Variants in FHL2 observed in about 807,000 individuals in gnomAD.
FHL2 encodes four and a half LIM domains 2.
In FHL2, 20 loss-of-function variants were observed where a neutral mutation model predicts 32.7. That is an observed-to-expected ratio of 0.61 (90% confidence interval 0.43 to 0.89). FHL2 has a LOEUF of 0.89. Ranked by LOEUF, FHL2 falls within the 40% of genes least tolerant of loss-of-function variation. The pLI, the probability that FHL2 is intolerant of heterozygous loss-of-function variation, is 0.00. For missense variants in FHL2, 311 were observed against 358.6 expected (o/e 0.87, Z 1.07); for synonymous variants, 123 against 128.1 (o/e 0.96, Z 0.27).
chr2:105,391,716 A>T (rs1202949466), intron 2 of FHL2, among the ~76,000 whole-genome samples: 1 of 152,194 alleles, frequency 6.6e-6, no homozygotes, highest in African/African-American at 2.4e-5. Flanking sequence ...TTTCTGAATG[A>T]TTTCTTCAAA....
In FHL2 at chr2:105,361,067, C is replaced by G. The variant is rs1405788849; in HGVS notation, c.*216G>C. On this transcript the variant is annotated 3_prime_UTR_variant, in exon 7 of 7. Transcript: ENST00000530340. ...CTCGATTACAAAAATTTCAAACCAT[C>G]TTCCCACCTAGGGCCTAGGGCGAGT... is the stretch of plus-strand genomic sequence containing the variant. The G allele has an allele frequency of 2.4e-6, 1 of 416,790 alleles. No homozygotes were observed. Among genetic ancestry groups the G allele is most frequent in the Non-Finnish European group, 4.2e-6 (1 of 236,706 alleles). 25.8% of individuals were successfully genotyped at this position (416,790 alleles called of 1,614,324 possible).
At chr2:105,411,484 A>C (rs1425689914) in intron 1 of FHL2, among the ~76,000 whole-genome samples, 12 of 145,486 alleles carry the variant, frequency 8.2e-5, no homozygotes, top group Admixed American at 6.9e-4. Flanking sequence ...TTTCCTACTC[A>C]CCCAGAATCC....
chr2:105,405,793 C>G (rs1240061927), intron 1 of FHL2, among the ~76,000 whole-genome samples: 1 of 152,228 alleles, frequency 6.6e-6, no homozygotes, highest in Non-Finnish European at 1.5e-5. Context: ...GGGGTGAACC[C>G]CAGGTCCAGG....
intron 3 of FHL2, among the ~76,000 whole-genome samples, chr2:105,385,370 T>C (rs1412497961): frequency 6.6e-6 from 1 of 152,192 alleles, no homozygotes; most frequent in Non-Finnish European, 1.5e-5. Flanking sequence ...GCTAGAATGA[T>C]CCAACTGCAT....
intron 2 of FHL2, among the ~76,000 whole-genome samples, chr2:105,395,023 G>A (rs998064313): frequency 2.6e-5 from 4 of 152,168 alleles, no homozygotes; most frequent in African/African-American, 7.2e-5. Context: ...TTTTGATGTC[G>A]TTCAGCCTTT....
intron 5 of FHL2, among the ~76,000 whole-genome samples, chr2:105,365,701 G>C (rs1321276659): frequency 6.6e-6 from 1 of 151,564 alleles, no homozygotes; most frequent in Non-Finnish European, 1.5e-5. Flanking sequence ...AATTAGGTGG[G>C]TTTGGTGGTG....
chr2:105,361,177 G>T lies in FHL2; in HGVS notation c.*106C>A. On this transcript the variant is annotated 3_prime_UTR_variant, in exon 7 of 7. Transcript: ENST00000530340. ...TATCACTGAAAAGCACTAGAAGAAA[G>T]TCTCAATGTGGCTGGAAGAAACCAG... 1.7e-6 allele frequency: 2 copies of T among 1,151,888 alleles called. No homozygotes were observed. 71.4% of individuals were successfully genotyped at this position (1,151,888 alleles called of 1,614,324 possible).
upstream of FHL2, among the ~76,000 whole-genome samples, chr2:105,403,611 C>G (rs1683539831): frequency 2.6e-5 from 4 of 152,194 alleles, no homozygotes; most frequent in Admixed American, 2.6e-4. Context: ...CATTCTCAGG[C>G]CAGCTCCTGC....
At chr2:105,415,228 G>T (rs1370997391) in intron 1 of FHL2, among the ~76,000 whole-genome samples, 1 of 152,162 alleles carries the variant, frequency 6.6e-6, no homozygotes, top group Non-Finnish European at 1.5e-5. Context: ...TCCAAGACAG[G>T]GTGTTAAGTG....
intron 3 of FHL2, chr2:105,376,404 C>T (rs1021295686): frequency 5.3e-5 from 8 of 152,304 alleles, no homozygotes; most frequent in South Asian, 2.1e-4. Context: ...CTTTCTAGAA[C>T]ATATTTTGTA....
intron 2 of FHL2, chr2:105,390,088 C>T (rs189383706): frequency 0.012 from 1,860 of 152,474 alleles, 18 homozygotes; most frequent in East Asian, 0.035. Flanking sequence ...AAAAATTATC[C>T]GGGTGTGGTG....
At chr2:105,402,029 A>G (rs1683480417), upstream of FHL2, among the ~76,000 whole-genome samples, 1 of 150,340 alleles carries the variant, frequency 6.7e-6, no homozygotes, top group Non-Finnish European at 1.5e-5. Context: ...GTATATATAC[A>G]CGAATATATA....
At chr2:105,398,199 G>A (rs1299522919) in intron 1 of FHL2, among the ~76,000 whole-genome samples, 1 of 152,152 alleles carries the variant, frequency 6.6e-6, no homozygotes, top group Non-Finnish European at 1.5e-5. Context: ...AAATAAATAT[G>A]ACTGATTCAT....
intron 3 of FHL2, among the ~76,000 whole-genome samples, chr2:105,375,002 A>C (rs1480027789): frequency 6.6e-6 from 1 of 152,192 alleles, no homozygotes; most frequent in African/African-American, 2.4e-5. Context: ...TGTTACTGAA[A>C]CCGAAGTCGA....
chr2:105,428,319 T>G (rs1281634218), intron 1 of FHL2, among the ~76,000 whole-genome samples: 4 of 152,222 alleles, frequency 2.6e-5, no homozygotes, highest in Non-Finnish European at 5.9e-5. Context: ...GCCAGGGGCT[T>G]GCTGAGCTGT....
At chr2:105,422,871 A>G (rs767353797) in intron 1 of FHL2, among the ~76,000 whole-genome samples, 1 of 152,224 alleles carries the variant, frequency 6.6e-6, no homozygotes, top group Non-Finnish European at 1.5e-5. Flanking sequence ...TCGTTCTGAC[A>G]GTTTTACTCA....
At chr2:105,399,671 C>A (rs1683391592), upstream of FHL2, 2 of 1,471,586 alleles carry the variant, frequency 1.4e-6, no homozygotes, top group African/African-American at 1.4e-5. Context: ...CCAAAGTGAG[C>A]TGGGAGCGTG....
chr2:105,414,382 A>T (rs1469782912), intron 1 of FHL2, among the ~76,000 whole-genome samples: 1 of 152,082 alleles, frequency 6.6e-6, no homozygotes, highest in Non-Finnish European at 1.5e-5. Flanking sequence ...CCCTCCTGGG[A>T]GGTTGGCGTT....
chr2:105,380,961 G>C (rs2104564773), intron 3 of FHL2, among the ~76,000 whole-genome samples: 1 of 152,260 alleles, frequency 6.6e-6, no homozygotes, highest in African/African-American at 2.4e-5. Flanking sequence ...GGCTGTGCCT[G>C]TTGCTTGGCT....
Sources: gnomAD v4.1 joint callset for allele counts (sites outside exome capture counted in the v4.1 genomes callset) on GRCh38, gnomAD v4.1.1 for gene constraint, MANE v1.5 for transcripts, NCBI Gene and HGNC (gene_info 2026-07-23, HGNC 2026-07-21) for gene names.